The following LDLRAD3 variants were observed in gnomAD, a reference collection of about 807,000 sequenced individuals.
The protein encoded by LDLRAD3 is low-density lipoprotein receptor class A domain-containing protein 3.
In LDLRAD3, 20 loss-of-function variants were observed where a neutral mutation model predicts 29.4. The ratio of observed to expected loss-of-function variants is 0.68; its 90% confidence interval spans 0.48 to 0.99. LDLRAD3 has a LOEUF of 0.99. Ranked by LOEUF, LDLRAD3 falls within the 50% of genes least tolerant of loss-of-function variation. LDLRAD3 has a pLI of 0.00. For synonymous variants in LDLRAD3, 157 were observed against 192.7 expected, an observed-to-expected ratio of 0.81 and a Z score of 1.53; for missense variants, 420 against 454.3, an observed-to-expected ratio of 0.92 and a Z score of 0.69.
chr11:36,057,391 T>C (rs11033397), intron 2 of LDLRAD3, among the ~76,000 whole-genome samples: 32,708 of 152,122 alleles, frequency 0.22, 3,590 homozygotes, highest in Non-Finnish European at 0.24. Context: ...TCCTCATCTT[T>C]CGTCTGTCCC....
chr11:36,118,889 G>A (rs966793633), intron 4 of LDLRAD3, among the ~76,000 whole-genome samples: 4 of 152,068 alleles, frequency 2.6e-5, no homozygotes, highest in Non-Finnish European at 5.9e-5. Context: ...TTTGATTTCT[G>A]TTTCTATGGA....
At chr11:36,047,605 T>C (rs1852468865) in intron 2 of LDLRAD3, among the ~76,000 whole-genome samples, 1 of 152,174 alleles carries the variant, frequency 6.6e-6, no homozygotes, top group South Asian at 2.1e-4. Flanking sequence ...AAATGCACCA[T>C]GTGTGTATGT....
At chr11:35,962,211 T>A (rs1453084183) in intron 1 of LDLRAD3, among the ~76,000 whole-genome samples, 2 of 152,168 alleles carry the variant, frequency 1.3e-5, no homozygotes, top group Non-Finnish European at 2.9e-5. Flanking sequence ...GATTCTAAAA[T>A]CCTCACGTTT....
chr11:35,983,133 C>T (rs1295860762), intron 1 of LDLRAD3, among the ~76,000 whole-genome samples: 10 of 152,142 alleles, frequency 6.6e-5, no homozygotes, highest in Admixed American at 6.5e-5. Context: ...GGATTACAGG[C>T]GTGAGCCACC....
intron 1 of LDLRAD3, among the ~76,000 whole-genome samples, chr11:36,020,755 G>A (rs547275440): frequency 1.4e-4 from 21 of 152,282 alleles, no homozygotes; most frequent in African/African-American, 5.1e-4. Flanking sequence ...GGCTGGCCAG[G>A]ATACCCAGGG....
At chr11:36,142,786 C>T (rs1854105723) in intron 4 of LDLRAD3, among the ~76,000 whole-genome samples, 1 of 152,148 alleles carries the variant, frequency 6.6e-6, no homozygotes, top group Non-Finnish European at 1.5e-5. Flanking sequence ...CTACCTCTTC[C>T]AGGTTATCTA....
At chr11:36,195,570 T>C (rs1855020518) in intron 4 of LDLRAD3, among the ~76,000 whole-genome samples, 1 of 152,170 alleles carries the variant, frequency 6.6e-6, no homozygotes, top group South Asian at 2.1e-4. Context: ...AACAGCTGAA[T>C]AGGAATTGAA....
At chr11:36,125,225 A>G (rs999281251) in intron 4 of LDLRAD3, among the ~76,000 whole-genome samples, 1 of 152,086 alleles carries the variant, frequency 6.6e-6, no homozygotes, top group African/African-American at 2.4e-5. Flanking sequence ...ACTTATGTGT[A>G]CCTAGATCCT....
chr11:36,111,661 A>C (rs933844402), intron 4 of LDLRAD3, among the ~76,000 whole-genome samples: 2 of 149,718 alleles, frequency 1.3e-5, no homozygotes, highest in African/African-American at 4.9e-5. Flanking sequence ...AGTGCAGTAG[A>C]GCGATCTCAG....
intron 5 of LDLRAD3, 77 bp from the exon 6 acceptor site, chr11:36,229,083 T>C: frequency 1.0e-6 from 1 of 953,300 alleles, no homozygotes; most frequent in Non-Finnish European, 1.7e-6. Context: ...GGGCTGAAGT[T>C]GGCTTATCTT....
In LDLRAD3 at chr11:36,047,085, G is replaced by T. The variant is rs1323508937; in HGVS notation, c.193+10836G>T. On this transcript the variant is annotated intron_variant, in intron 2 of 5. Transcript: ENST00000315571. The stretch of plus-strand genomic sequence containing the variant: ...GGCTGCTGTGGACTAAGCACACAGT[G>T]TCACCAGCTCTCCACTCTCCAGCCC... Among the ~76,000 whole-genome samples, 3 of 152,122 alleles carry T rather than the reference G, an allele frequency of 2.0e-5. No individual in the cohort carries two copies. The East Asian group carries it at 5.8e-4, about 29-fold the overall frequency.
At chr11:36,023,862 G>A (rs1247154806) in intron 1 of LDLRAD3, among the ~76,000 whole-genome samples, 2 of 152,158 alleles carry the variant, frequency 1.3e-5, no homozygotes, top group South Asian at 2.1e-4. Context: ...GGAAGGGTTC[G>A]TTCATGTGTA....
chr11:36,100,326 C>T (rs1227343854), intron 4 of LDLRAD3, among the ~76,000 whole-genome samples: 1 of 152,214 alleles, frequency 6.6e-6, no homozygotes, highest in Non-Finnish European at 1.5e-5. Context: ...TAAAACCAAA[C>T]ATGCCAATGT....
intron 4 of LDLRAD3, among the ~76,000 whole-genome samples, chr11:36,217,604 A>C (rs1163132917): frequency 1.3e-5 from 2 of 152,234 alleles, no homozygotes; most frequent in African/African-American, 4.8e-5. Flanking sequence ...GGCTGCCATA[A>C]CAAATGACCA....
At chr11:36,193,885 A>G (rs1383017774) in intron 4 of LDLRAD3, among the ~76,000 whole-genome samples, 1 of 152,094 alleles carries the variant, frequency 6.6e-6, no homozygotes, top group Non-Finnish European at 1.5e-5. Context: ...TCTGCCACTT[A>G]CTAGCTGAGA....
chr11:36,178,396 G>A lies in LDLRAD3; in HGVS notation c.455-48689G>A, dbSNP rs74383054. Among the ~76,000 whole-genome samples, 930 of 151,886 alleles carry A rather than the reference G, an allele frequency of 6.1e-3. 12 individuals carry two copies. The highest frequency in any genetic ancestry group is 0.021 in the African/African-American group (881 of 41,508). ...CCTGCCACACTTCTTTGACCTCCATGGTTCATCTGCCCAGTGGTCTTCCCA... is the reference window on the plus strand; with the variant it reads ...CCTGCCACACTTCTTTGACCTCCATAGTTCATCTGCCCAGTGGTCTTCCCA... On this transcript the variant is annotated intron_variant, in intron 4 of 5. Transcript: ENST00000315571.
chr11:36,050,888 C>T (rs962453227), intron 2 of LDLRAD3, among the ~76,000 whole-genome samples: 2 of 152,144 alleles, frequency 1.3e-5, no homozygotes, highest in African/African-American at 4.8e-5. Flanking sequence ...TGAGGGCTCG[C>T]GTCCTGGTTT....
chr11:36,100,004 A>G (rs1251181156), intron 4 of LDLRAD3, among the ~76,000 whole-genome samples: 1 of 152,046 alleles, frequency 6.6e-6, no homozygotes. Context: ...GCATCACATG[A>G]GAACTCCGAA....
chr11:36,082,519 G>A (rs529186958), intron 3 of LDLRAD3, among the ~76,000 whole-genome samples: 1 of 152,264 alleles, frequency 6.6e-6, no homozygotes, highest in East Asian at 1.9e-4. Flanking sequence ...GACAAAAAGT[G>A]TTTATATGTT....
Sources: gnomAD v4.1 joint callset for allele counts (sites outside exome capture counted in the v4.1 genomes callset) on GRCh38, gnomAD v4.1.1 for gene constraint, MANE v1.5 for transcripts, NCBI Gene and HGNC (gene_info 2026-07-23, HGNC 2026-07-21) for gene names.